The following CDH12 variants were observed in gnomAD, a reference collection of about 807,000 sequenced individuals.
CDH12 encodes the protein cadherin-12.
CDH12 carries 41 observed loss-of-function variants against 74.1 expected under a neutral mutation model. The observed-to-expected ratio is 0.55, with a 90% confidence interval of 0.43 to 0.72. The LOEUF is 0.72. CDH12 is among the 30% of genes least tolerant of loss of function. CDH12 has a pLI of 0.00. For synonymous variants in CDH12, 399 were observed against 355.0 expected, an observed-to-expected ratio of 1.12 and a Z score of -1.39; for missense variants, 945 against 977.2, an observed-to-expected ratio of 0.97 and a Z score of 0.44.
At chr5:21,808,521 G>A (rs1242793806) in intron 9 of CDH12, among the ~76,000 whole-genome samples, 1 of 151,764 alleles carries the variant, frequency 6.6e-6, no homozygotes, top group Non-Finnish European at 1.5e-5. Flanking sequence ...GAGGATGTAG[G>A]CTTATCTGAA....
intron 5 of CDH12, among the ~76,000 whole-genome samples, chr5:22,032,109 T>G (rs1738860089): frequency 6.6e-6 from 1 of 151,616 alleles, no homozygotes; most frequent in Non-Finnish European, 1.5e-5. Flanking sequence ...AAATATTATA[T>G]AATATATATT....
intron 8 of CDH12, among the ~76,000 whole-genome samples, chr5:21,837,140 G>T (rs1177282460): frequency 6.6e-6 from 1 of 151,918 alleles, no homozygotes; most frequent in Non-Finnish European, 1.5e-5. Flanking sequence ...CATAATGAGA[G>T]TTAAATGGGA....
intron 1 of CDH12, among the ~76,000 whole-genome samples, chr5:22,827,049 C>G (rs1296027795): frequency 2.0e-5 from 3 of 152,228 alleles, no homozygotes; most frequent in Non-Finnish European, 4.4e-5. Context: ...CCTCCCGTTA[C>G]AGGCCCACAG....
chr5:22,479,616 T>C (rs183289694), intron 2 of CDH12, among the ~76,000 whole-genome samples: 3 of 152,328 alleles, frequency 2.0e-5, no homozygotes, highest in Admixed American at 1.3e-4. Context: ...TAAAAGTTTA[T>C]TGGACTAATC....
At chr5:22,332,459 A>G (rs1739390880) in intron 3 of CDH12, among the ~76,000 whole-genome samples, 1 of 152,182 alleles carries the variant, frequency 6.6e-6, no homozygotes, top group South Asian at 2.1e-4. Flanking sequence ...GCCTAAATTG[A>G]GAAGTGAAAT....
At chr5:22,511,307 G>C (rs999604694) in intron 1 of CDH12, among the ~76,000 whole-genome samples, 9 of 152,024 alleles carry the variant, frequency 5.9e-5, no homozygotes, top group Non-Finnish European at 1.2e-4. Context: ...GCAAAGAAAA[G>C]AAAAGCTATG....
intron 5 of CDH12, among the ~76,000 whole-genome samples, chr5:21,981,610 T>C (rs1161443137): frequency 2.0e-5 from 3 of 152,168 alleles, no homozygotes; most frequent in Non-Finnish European, 2.9e-5. Context: ...CTTCCGTTTC[T>C]TCTCCCCGTC....
intron 1 of CDH12, among the ~76,000 whole-genome samples, chr5:22,589,459 T>C (rs528792296): frequency 1.3e-5 from 2 of 152,346 alleles, no homozygotes; most frequent in East Asian, 1.9e-4. Context: ...TTGTTCTCTA[T>C]TCTTGCTTTC....
chr5:22,804,534 G>A (rs114189330), intron 1 of CDH12, among the ~76,000 whole-genome samples: 28 of 152,260 alleles, frequency 1.8e-4, no homozygotes, highest in African/African-American at 4.3e-4. Context: ...TCAATGAATC[G>A]ATCAGGCTGA....
At chr5:22,094,980 G>A (rs914666405) in intron 4 of CDH12, among the ~76,000 whole-genome samples, 3 of 152,080 alleles carry the variant, frequency 2.0e-5, no homozygotes, top group Non-Finnish European at 4.4e-5. Context: ...TTCGGACTCA[G>A]CCCGCCTGTG....
intron 7 of CDH12, among the ~76,000 whole-genome samples, chr5:21,850,723 T>C (rs906390655): frequency 1.3e-5 from 2 of 151,472 alleles, no homozygotes; most frequent in African/African-American, 4.8e-5. Context: ...GGGCAAACTT[T>C]ATCATGTTTC....
chr5:22,782,013 G>C (rs1747407785), intron 1 of CDH12, among the ~76,000 whole-genome samples: 1 of 152,108 alleles, frequency 6.6e-6, no homozygotes, highest in African/African-American at 2.4e-5. Context: ...TTTGGAATGG[G>C]AACATTCCCC....
At chr5:22,746,671 C>T (rs2127027093) in intron 1 of CDH12, among the ~76,000 whole-genome samples, 1 of 152,256 alleles carries the variant, frequency 6.6e-6, no homozygotes, top group South Asian at 2.1e-4. Context: ...TTACATTTGA[C>T]CATTCTTAAT....
intron 4 of CDH12, among the ~76,000 whole-genome samples, chr5:22,204,686 C>T (rs1171209731): frequency 1.3e-5 from 2 of 152,196 alleles, no homozygotes; most frequent in African/African-American, 4.8e-5. Context: ...CATGTTCTAT[C>T]AAACTAATGT....
intron 1 of CDH12, among the ~76,000 whole-genome samples, chr5:22,533,350 G>A (rs1389903806): frequency 2.0e-5 from 3 of 152,136 alleles, no homozygotes; most frequent in Admixed American, 1.3e-4. Context: ...TTTCTCACAA[G>A]TCTTCTTTCT....
intron 6 of CDH12, among the ~76,000 whole-genome samples, chr5:21,858,243 C>T (rs1056098499): frequency 6.6e-6 from 1 of 151,788 alleles, no homozygotes; most frequent in Non-Finnish European, 1.5e-5. Flanking sequence ...AATTTAACAA[C>T]TTAGTAAAGC....
chr5:22,619,894 G>A (rs1268405011), intron 1 of CDH12, among the ~76,000 whole-genome samples: 2 of 152,050 alleles, frequency 1.3e-5, no homozygotes, highest in Non-Finnish European at 2.9e-5. Flanking sequence ...CAGAAACTCA[G>A]TGTCAATTAA....
chr5:22,578,443 C>A (rs947344262), intron 1 of CDH12, among the ~76,000 whole-genome samples: 1 of 151,778 alleles, frequency 6.6e-6, no homozygotes. Context: ...AAGTATTCTG[C>A]TTTTATGTTA....
At chr5:22,219,214 C>T (rs1751928500) in intron 3 of CDH12, among the ~76,000 whole-genome samples, 1 of 151,718 alleles carries the variant, frequency 6.6e-6, no homozygotes. Flanking sequence ...AATTATGGGG[C>T]TTTCTCAACC....
Sources: gnomAD v4.1 joint callset for allele counts (sites outside exome capture counted in the v4.1 genomes callset) on GRCh38, gnomAD v4.1.1 for gene constraint, MANE v1.5 for transcripts, NCBI Gene and HGNC (gene_info 2026-07-23, HGNC 2026-07-21) for gene names.